Variants in KALRN observed in about 807,000 individuals in gnomAD.
KALRN encodes the protein kalirin RhoGEF kinase.
KALRN carries 70 observed loss-of-function variants against 353.7 expected under a neutral mutation model. The observed-to-expected ratio is 0.20, with a 90% CI of 0.16 to 0.24. KALRN has a LOEUF of 0.24. Among genes scored for constraint, KALRN ranks in the 10% least tolerant of loss-of-function variants. The probability of loss-of-function intolerance (pLI) is 1.00; values close to 1 mark genes in which losing one functional copy is unlikely to be tolerated. For synonymous variants in KALRN, 1,391 were observed against 1,434.8 expected, an observed-to-expected ratio of 0.97 and a Z score of 0.69; for missense variants, 2,791 against 3,756.7, an observed-to-expected ratio of 0.74 and a Z score of 6.72.
At chr3:124,436,522 T>G (rs1430003322) in intron 17 of KALRN, among the ~76,000 whole-genome samples, 1 of 151,898 alleles carries the variant, frequency 6.6e-6, no homozygotes, top group African/African-American at 2.4e-5. Flanking sequence ...ACCTCAAGTT[T>G]GATGACAGAT....
intron 9 of KALRN, among the ~76,000 whole-genome samples, chr3:124,346,232 A>G (rs981387949): frequency 1.3e-5 from 2 of 152,142 alleles, no homozygotes; most frequent in Admixed American, 6.6e-5. Flanking sequence ...AGAATGCAAA[A>G]TGGGTATTAA....
At chr3:124,405,937 C>G (rs1469865586) in intron 13 of KALRN, among the ~76,000 whole-genome samples, 3 of 152,148 alleles carry the variant, frequency 2.0e-5, no homozygotes, top group Non-Finnish European at 2.9e-5. Context: ...AGCCACCACA[C>G]CTGGCCAAGG....
intron 13 of KALRN, among the ~76,000 whole-genome samples, chr3:124,407,534 A>C (rs913283091): frequency 6.6e-6 from 1 of 152,156 alleles, no homozygotes; most frequent in African/African-American, 2.4e-5. Context: ...GCTGCAATTT[A>C]AGTCTCAATA....
chr3:124,443,122 T>C (rs1051262980), intron 19 of KALRN, among the ~76,000 whole-genome samples: 8 of 152,256 alleles, frequency 5.3e-5, no homozygotes, highest in African/African-American at 1.9e-4. Flanking sequence ...ATCTTTAATA[T>C]CTCCGAATTC....
intron 10 of KALRN, among the ~76,000 whole-genome samples, chr3:124,348,938 C>T (rs773884912): frequency 1.3e-5 from 2 of 152,048 alleles, no homozygotes; most frequent in South Asian, 2.1e-4. Flanking sequence ...AGGCTGGTCT[C>T]GAACTCCTGA....
At position 124,294,515 on chromosome 3, in the gene KALRN, C is replaced by T. The variant is rs1486381711; in HGVS notation, c.970-4276C>T. On this transcript the variant is annotated intron_variant, in intron 5 of 59. Transcript: ENST00000682506. ...TGTCAGGGCTGAGACTAAGAAGATT[C>T]TCTTCTTTTTTTTTTTTTTTTTTTT... 8.0e-5 allele frequency among the ~76,000 whole-genome samples: 6 copies of T among 75,344 alleles called. 1 individual carries two copies. Among genetic ancestry groups the T allele is most frequent in the African/African-American group, 1.2e-4 (3 of 25,178 alleles). 49.4% of individuals were successfully genotyped at this position (75,344 alleles called of 152,430 possible).
chr3:124,721,838 A>T lies in KALRN; in HGVS notation c.*2368A>T, dbSNP rs1001459008. Reference sequence around the variant, plus strand: ...CTGGGCGTAGTGGCGGGCACTCGTAATCCCAGCGACTTGGGAGGCTGAGGC... The same window carrying T: ...CTGGGCGTAGTGGCGGGCACTCGTATTCCCAGCGACTTGGGAGGCTGAGGC... On this transcript the variant is annotated 3_prime_UTR_variant, in exon 60 of 60. Coordinates refer to ENST00000682506, the MANE Select transcript of KALRN (RefSeq NM_001388419.1). The T allele has an allele frequency of 2.6e-5, 4 of 152,292 alleles. No homozygotes were observed. Among genetic ancestry groups the T allele is most frequent in the Admixed American group, 6.5e-5 (1 of 15,274 alleles). The allele number at this position is 152,292 out of a possible 1,614,324, so 9.4% of individuals were successfully genotyped here.
At position 124,490,803 on chromosome 3, in the gene KALRN, C is replaced by G. The variant is rs768252987; in HGVS notation, c.4506C>G (p.Leu1502=). 27 of 1,613,910 alleles carry G rather than the reference C, an allele frequency of 1.7e-5. No homozygotes were observed. The East Asian group carries it at 6.0e-4, about 36-fold the overall frequency. The part of the protein sequence containing the change: ...IRKGRERHLF[L]FEISLVFSKE... ...AGGGGCGGGAGCGGCACTTGTTCCT[C>G]TTTGAGATCTCCTTGGTTTTTAGCA... is the stretch of plus-strand genomic sequence containing the variant. The change falls in exon 30 of 60, where the codon CTC becomes CTG. Residue 1502 remains leucine, a synonymous_variant. Transcript: ENST00000682506.
rs761915647 is a variant in KALRN, at chr3:124,666,556, C to G, written c.6453C>G (p.Phe2151Leu). ...CCAAAGAGAGGCGCGTGTTCCTCTTCGAGCAGATTGTCATCTTCAGTGAAC... is the reference window on the plus strand; with the variant it reads ...CCAAAGAGAGGCGCGTGTTCCTCTTGGAGCAGATTGTCATCTTCAGTGAAC... ...SRTKERRVFLFEQIVIFSELL... is the reference protein window; with the variant it reads ...SRTKERRVFLLEQIVIFSELL... The change falls in exon 46 of 60, where the codon TTC (phenylalanine) becomes TTG (leucine). Residue 2151 changes from phenylalanine to leucine, a missense_variant. Coordinates refer to ENST00000682506, the MANE Select transcript of KALRN (RefSeq NM_001388419.1). 6.2e-7 allele frequency: 1 copy of G among 1,613,866 alleles called. No homozygotes were observed. The highest frequency in any genetic ancestry group is 1.3e-5 in the African/African-American group (1 of 74,906).
intron 33 of KALRN, chr3:124,518,923 C>A (rs952131634): frequency 2.8e-5 from 28 of 1,001,866 alleles, no homozygotes; most frequent in Non-Finnish European, 3.0e-5. Flanking sequence ...CTGGAAAAAC[C>A]CATCATTCTA....
rs1452455647 is a variant in KALRN at position 124,234,863 on chromosome 3, C to T, written c.183C>T (p.Thr61=). ...ATAAGCGAGGCGGACCCATCCTGACCTTCCCTGCTCGCAGCAATCATGACA... is the reference window on the plus strand; with the variant it reads ...ATAAGCGAGGCGGACCCATCCTGACTTTCCCTGCTCGCAGCAATCATGACA... ...GRDKRGGPIL[T]FPARSNHDRI... The change falls in exon 3 of 60, where the codon ACC becomes ACT. Residue 61 remains threonine, a synonymous_variant. Coordinates refer to ENST00000682506, the MANE Select transcript of KALRN (RefSeq NM_001388419.1). The T allele has an allele frequency of 6.2e-7, 1 of 1,608,360 alleles. No individual in the cohort carries two copies.
rs1384634712 is a variant in KALRN, at chr3:124,723,518, G to A, written c.*4048G>A. 1.3e-5 allele frequency: 2 copies of A among 152,156 alleles called. No homozygotes were observed. The highest frequency in any genetic ancestry group is 2.9e-5 in the Non-Finnish European group (2 of 68,022). 9.4% of individuals were successfully genotyped at this position (152,156 alleles called of 1,614,324 possible). On this transcript the variant is annotated 3_prime_UTR_variant, in exon 60 of 60. Coordinates refer to ENST00000682506, the MANE Select transcript of KALRN (RefSeq NM_001388419.1). ...TTTTTAAGTGCTACACACTGCCAGT[G>A]CTAAGAATTTTATTGATAGTAACTT...
intron 10 of KALRN, among the ~76,000 whole-genome samples, chr3:124,368,587 C>G (rs1228473261): frequency 6.9e-6 from 1 of 143,992 alleles, no homozygotes; most frequent in Non-Finnish European, 1.5e-5. Context: ...ACTGGGCAGC[C>G]AGGCAGAGGG....
chr3:124,630,326 A>G (rs1322220140), intron 34 of KALRN, among the ~76,000 whole-genome samples: 1 of 152,098 alleles, frequency 6.6e-6, no homozygotes, highest in Non-Finnish European at 1.5e-5. Flanking sequence ...CCCTAACCCC[A>G]TATTCAGAGG....
intron 4 of KALRN, among the ~76,000 whole-genome samples, chr3:124,267,676 T>A (rs1423697212): frequency 6.6e-6 from 1 of 152,154 alleles, no homozygotes; most frequent in African/African-American, 2.4e-5. Flanking sequence ...TCCTTCCTCT[T>A]AGGAGAGGGG....
chr3:124,212,202 G>T (rs911116758), intron 1 of KALRN, among the ~76,000 whole-genome samples: 1 of 150,528 alleles, frequency 6.6e-6, no homozygotes, highest in Non-Finnish European at 1.5e-5. Flanking sequence ...GTTGTAGAAA[G>T]TTTGAAAACT....
chr3:124,510,115 C>T (rs1333934092), intron 33 of KALRN, among the ~76,000 whole-genome samples: 1 of 152,190 alleles, frequency 6.6e-6, no homozygotes. Context: ...CCAGAACAAA[C>T]AAGCACAATG....
At chr3:124,638,394 C>G (rs923066044) in intron 37 of KALRN, among the ~76,000 whole-genome samples, 1 of 151,618 alleles carries the variant, frequency 6.6e-6, no homozygotes, top group South Asian at 2.1e-4. Flanking sequence ...TCCTGAAAAT[C>G]GTCTATTTTC....
At chr3:124,479,986 G>C (rs539125631) in intron 27 of KALRN, among the ~76,000 whole-genome samples, 5 of 152,244 alleles carry the variant, frequency 3.3e-5, no homozygotes, top group South Asian at 2.1e-4. Context: ...GCCTCCCAAA[G>C]TGCTGGGACT....
Sources: gnomAD v4.1 joint callset for allele counts (sites outside exome capture counted in the v4.1 genomes callset) on GRCh38, gnomAD v4.1.1 for gene constraint, MANE v1.5 for transcripts, NCBI Gene and HGNC (gene_info 2026-07-23, HGNC 2026-07-21) for gene names.